Variants in SPOCK1 observed in about 807,000 individuals in gnomAD.
SPOCK1 encodes testican-1.
A neutral mutation model predicts 55.3 loss-of-function variants in SPOCK1; 23 were observed. The observed-to-expected ratio is 0.42, with a 90% CI of 0.30 to 0.59. The LOEUF (loss-of-function observed/expected upper bound fraction) is 0.59. Ranked by LOEUF, SPOCK1 falls within the 20% of genes least tolerant of loss-of-function variation. The pLI is 0.22. For missense variants in SPOCK1, 499 were observed against 552.5 expected (o/e 0.90, Z 0.97); for synonymous variants, 226 against 221.0 (o/e 1.02, Z -0.20).
At chr5:137,381,548 G>A (rs1751465465) in intron 2 of SPOCK1, among the ~76,000 whole-genome samples, 1 of 152,192 alleles carries the variant, frequency 6.6e-6, no homozygotes, top group African/African-American at 2.4e-5. Context: ...CTCAACTCTT[G>A]TCTTCTGCAC....
chr5:137,317,719 G>A (rs1314555856), intron 2 of SPOCK1, among the ~76,000 whole-genome samples: 3 of 152,106 alleles, frequency 2.0e-5, no homozygotes, highest in Non-Finnish European at 4.4e-5. Flanking sequence ...AAACATTACT[G>A]CAAGGCCACC....
chr5:137,175,955 TA>T (rs887425709), intron 3 of SPOCK1, among the ~76,000 whole-genome samples: 5 of 152,164 alleles, frequency 3.3e-5, no homozygotes, highest in African/African-American at 1.2e-4. Context: ...GCAATAATAG[TA>T]AAGGCAGGAG....
chr5:137,232,101 C>A (rs1703680644), intron 3 of SPOCK1, among the ~76,000 whole-genome samples: 1 of 152,162 alleles, frequency 6.6e-6, no homozygotes, highest in African/African-American at 2.4e-5. Flanking sequence ...TCAACACTTG[C>A]CACCTGTAAG....
chr5:137,028,106 A>G (rs949556248), intron 6 of SPOCK1, among the ~76,000 whole-genome samples: 77 of 152,190 alleles, frequency 5.1e-4, no homozygotes, highest in African/African-American at 1.8e-3. Context: ...TCTTTAAGTC[A>G]GGTGACTCTG....
At chr5:137,274,165 G>GT (rs2127121158) in intron 2 of SPOCK1, among the ~76,000 whole-genome samples, 1 of 152,282 alleles carries the variant, frequency 6.6e-6, no homozygotes, top group African/African-American at 2.4e-5. Flanking sequence ...TGCTCCATTT[G>GT]TACTCTGGCC....
chr5:137,272,238 G>T (rs1461403095), intron 2 of SPOCK1, among the ~76,000 whole-genome samples: 1 of 152,186 alleles, frequency 6.6e-6, no homozygotes, highest in East Asian at 1.9e-4. Context: ...AGTGCAAACT[G>T]GTTCTATTTA....
chr5:137,330,625 T>C (rs1159914172), intron 2 of SPOCK1, among the ~76,000 whole-genome samples: 2 of 152,252 alleles, frequency 1.3e-5, no homozygotes, highest in African/African-American at 4.8e-5. Flanking sequence ...AAATACATAT[T>C]GACAAACTAC....
At chr5:137,246,654 T>C (rs1025491893) in intron 3 of SPOCK1, among the ~76,000 whole-genome samples, 1 of 152,184 alleles carries the variant, frequency 6.6e-6, no homozygotes, top group Non-Finnish European at 1.5e-5. Flanking sequence ...GTAAGGACAG[T>C]GTGGCCTGAG....
intron 2 of SPOCK1, among the ~76,000 whole-genome samples, chr5:137,276,529 T>A (rs1269407166): frequency 6.6e-6 from 1 of 152,196 alleles, no homozygotes; most frequent in Non-Finnish European, 1.5e-5. Context: ...CTGCCGAACC[T>A]CAGCACAGCA....
chr5:137,069,580 G>A (rs936795727), intron 5 of SPOCK1, among the ~76,000 whole-genome samples: 2 of 152,174 alleles, frequency 1.3e-5, no homozygotes, highest in African/African-American at 4.8e-5. Flanking sequence ...GAGAGCACGT[G>A]GACTGAAGGT....
chr5:136,994,441 A>C (rs1373206765), intron 6 of SPOCK1, among the ~76,000 whole-genome samples: 2 of 152,168 alleles, frequency 1.3e-5, no homozygotes, highest in Non-Finnish European at 2.9e-5. Flanking sequence ...AAAACTTCGG[A>C]TAATATGGTT....
At chr5:137,308,513 A>G (rs1310534755) in intron 2 of SPOCK1, among the ~76,000 whole-genome samples, 1 of 152,192 alleles carries the variant, frequency 6.6e-6, no homozygotes, top group Non-Finnish European at 1.5e-5. Context: ...AGTGCCATGC[A>G]TCTCTTCCAG....
intron 3 of SPOCK1, among the ~76,000 whole-genome samples, chr5:137,235,157 C>T (rs1756153037): frequency 1.3e-5 from 2 of 152,306 alleles, no homozygotes; most frequent in Non-Finnish European, 1.5e-5. Context: ...TTTGTCTTTC[C>T]TGCATGGTTT....
intron 2 of SPOCK1, among the ~76,000 whole-genome samples, chr5:137,269,682 A>C (rs1756922251): frequency 1.3e-5 from 2 of 152,196 alleles, no homozygotes; most frequent in African/African-American, 4.8e-5. Context: ...AATTCTGGTG[A>C]GGCACAGTCA....
At chr5:137,390,870 G>A (rs897911046) in intron 2 of SPOCK1, among the ~76,000 whole-genome samples, 5 of 152,130 alleles carry the variant, frequency 3.3e-5, no homozygotes, top group African/African-American at 7.2e-5. Flanking sequence ...CAGAGCTGGC[G>A]GGAGTGTGTA....
At position 137,199,506 on chromosome 5, in the gene SPOCK1, C is replaced by T. The variant is rs147316852; in HGVS notation, c.233-58812G>A. On this transcript the variant is annotated intron_variant, in intron 3 of 10. Coordinates refer to ENST00000394945, the MANE Select transcript of SPOCK1 (RefSeq NM_004598.4). ...CTCTCTGTGGCCGCTACTGAAACCT[C>T]ATGAGCTCTGAGTCCTTGCTTTACC... 2.6e-3 allele frequency among the ~76,000 whole-genome samples: 397 copies of T among 152,286 alleles called. 2 individuals are homozygous for T. Among genetic ancestry groups the T allele is most frequent in the African/African-American group, 8.0e-3 (331 of 41,566 alleles).
At position 137,475,987 on chromosome 5, in the gene SPOCK1, T is replaced by C. The variant is rs925010791; in HGVS notation, c.186+22386A>G. Among the ~76,000 whole-genome samples, 8 of 152,134 alleles carry C rather than the reference T, an allele frequency of 5.3e-5. No homozygotes were observed. In the South Asian group the frequency reaches 1.0e-3, roughly 20 times the overall value. ...AAGGCAAGCTAGAGAACACTGTGTA[T>C]AGACTTCTACCTTGGGGTAAAATGT... On this transcript the variant is annotated intron_variant, in intron 2 of 10. Coordinates refer to ENST00000394945, the MANE Select transcript of SPOCK1 (RefSeq NM_004598.4).
At chr5:137,098,514 G>A (rs1004679923) in intron 5 of SPOCK1, among the ~76,000 whole-genome samples, 1 of 152,220 alleles carries the variant, frequency 6.6e-6, no homozygotes, top group African/African-American at 2.4e-5. Context: ...TGCCAGAAAA[G>A]TCTGTGACCT....
chr5:137,415,063 T>C (rs1044984666), intron 2 of SPOCK1, among the ~76,000 whole-genome samples: 3 of 152,188 alleles, frequency 2.0e-5, no homozygotes, highest in African/African-American at 7.2e-5. Context: ...GAAGAGGAGA[T>C]ACAAGATAGT....
Sources: allele counts gnomAD v4.1 joint callset (sites outside exome capture counted in the v4.1 genomes callset), GRCh38; gene constraint gnomAD v4.1.1; transcripts MANE v1.5; gene names NCBI Gene and HGNC (gene_info 2026-07-23, HGNC 2026-07-21).